The following DLG2 variants were observed in gnomAD, a reference collection of about 807,000 sequenced individuals.
The protein encoded by DLG2 is discs large MAGUK scaffold protein 2.
In DLG2, 45 loss-of-function variants were observed where a neutral mutation model predicts 132.5. The ratio of observed to expected loss-of-function variants is 0.34; its 90% CI spans 0.27 to 0.44. The LOEUF is 0.44. DLG2 is among the 20% of genes least tolerant of loss of function. The pLI, the probability that DLG2 is intolerant of heterozygous loss-of-function variation, is 1.00. For synonymous variants in DLG2, 424 were observed against 419.6 expected, an observed-to-expected ratio of 1.01 and a Z score of -0.13; for missense variants, 1,045 against 1,196.9, an observed-to-expected ratio of 0.87 and a Z score of 1.87.
intron 3 of DLG2, among the ~76,000 whole-genome samples, chr11:85,525,487 G>A (rs187960115): frequency 4.9e-4 from 75 of 152,182 alleles, no homozygotes; most frequent in Non-Finnish European, 7.4e-4. Flanking sequence ...AGGAATATAC[G>A]AAATACTTAT....
intron 5 of DLG2, among the ~76,000 whole-genome samples, chr11:85,148,552 T>A (rs759401223): frequency 6.6e-6 from 1 of 152,238 alleles, no homozygotes; most frequent in African/African-American, 2.4e-5. Flanking sequence ...AAATGTCGTA[T>A]TTTGGGAAGT....
intron 9 of DLG2, among the ~76,000 whole-genome samples, chr11:84,128,688 A>T (rs951544819): frequency 5.9e-5 from 9 of 152,082 alleles, no homozygotes; most frequent in South Asian, 4.1e-4. Context: ...TGGTATAAAA[A>T]GTTTTAGTCT....
chr11:83,805,312 C>A (rs1739402587), intron 17 of DLG2, among the ~76,000 whole-genome samples: 1 of 151,756 alleles, frequency 6.6e-6, no homozygotes, highest in Non-Finnish European at 1.5e-5. Flanking sequence ...TTTATTTATT[C>A]TAGAATTATT....
chr11:84,738,068 T>A (rs184369724), intron 6 of DLG2, among the ~76,000 whole-genome samples: 12 of 152,178 alleles, frequency 7.9e-5, no homozygotes, highest in African/African-American at 2.9e-4. Context: ...CAGCGTAAAC[T>A]GGGTTAGAAA....
At chr11:83,831,036 T>C (rs964842990) in intron 17 of DLG2, among the ~76,000 whole-genome samples, 2 of 152,224 alleles carry the variant, frequency 1.3e-5, no homozygotes, top group African/African-American at 4.8e-5. Context: ...CTTCTTAATG[T>C]ACCACCATAT....
chr11:85,609,353 C>A (rs1013117046), intron 2 of DLG2, among the ~76,000 whole-genome samples: 1 of 152,138 alleles, frequency 6.6e-6, no homozygotes, highest in Non-Finnish European at 1.5e-5. Context: ...TTAAACCAGG[C>A]AACCTCAGTG....
intron 4 of DLG2, among the ~76,000 whole-genome samples, chr11:85,199,507 T>C (rs955021926): frequency 6.6e-6 from 1 of 152,208 alleles, no homozygotes; most frequent in African/African-American, 2.4e-5. Context: ...GCACTTAAGG[T>C]CTATGCGTGT....
chr11:84,893,584 G>A (rs1046960571), intron 6 of DLG2, among the ~76,000 whole-genome samples: 3 of 152,136 alleles, frequency 2.0e-5, no homozygotes, highest in African/African-American at 4.8e-5. Context: ...ACTCAGTTGA[G>A]TCTCACTTTG....
At chr11:85,316,620 T>C (rs2080695061) in intron 3 of DLG2, among the ~76,000 whole-genome samples, 1 of 151,928 alleles carries the variant, frequency 6.6e-6, no homozygotes, top group African/African-American at 2.4e-5. Context: ...ATGCCTCTCA[T>C]GTACAAAAGC....
chr11:85,203,829 C>A (rs1481406567), intron 4 of DLG2, among the ~76,000 whole-genome samples: 2 of 151,972 alleles, frequency 1.3e-5, no homozygotes, highest in Non-Finnish European at 2.9e-5. Context: ...TTAAAAACAT[C>A]ATTTACCATA....
intron 15 of DLG2, among the ~76,000 whole-genome samples, chr11:83,903,338 A>G (rs1315795436): frequency 6.6e-6 from 1 of 152,116 alleles, no homozygotes; most frequent in Non-Finnish European, 1.5e-5. Context: ...AACCTATCAG[A>G]CCCATTTTAT....
At chr11:84,775,790 TACTATGCTTGCTCTTTGGGTA>T (rs1334824405) in intron 6 of DLG2, among the ~76,000 whole-genome samples, 1 of 152,150 alleles carries the variant, frequency 6.6e-6, no homozygotes, top group African/African-American at 2.4e-5. Flanking sequence ...AACTATTGGG[TACTATGCTTGCTCTTTGGGTA>T]ACATAATTAA....
chr11:83,506,351 C>T (rs1247686513), intron 21 of DLG2, among the ~76,000 whole-genome samples: 1 of 152,212 alleles, frequency 6.6e-6, no homozygotes, highest in Non-Finnish European at 1.5e-5. Context: ...GTTCCTTCCA[C>T]CATTATCTCA....
intron 7 of DLG2, among the ~76,000 whole-genome samples, chr11:84,410,111 ATT>A (rs879518121): frequency 7.9e-5 from 12 of 152,226 alleles, no homozygotes; most frequent in Non-Finnish European, 1.8e-4. Context: ...ATGGCTGAGC[ATT>A]CTCATATGTT....
chr11:85,272,604 G>C (rs960484513), intron 4 of DLG2, among the ~76,000 whole-genome samples: 5 of 152,090 alleles, frequency 3.3e-5, no homozygotes, highest in African/African-American at 9.7e-5. Context: ...CGAAATAAAA[G>C]AGGACACAAA....
At chr11:84,964,100 A>C (rs959415831) in intron 6 of DLG2, among the ~76,000 whole-genome samples, 1 of 152,146 alleles carries the variant, frequency 6.6e-6, no homozygotes, top group African/African-American at 2.4e-5. Context: ...AAAAACATTA[A>C]GGCAGCCTAA....
intron 7 of DLG2, among the ~76,000 whole-genome samples, chr11:84,389,459 T>C (rs1259021873): frequency 6.6e-6 from 1 of 152,136 alleles, no homozygotes; most frequent in Admixed American, 6.6e-5. Context: ...ATGGTATATA[T>C]TGTTTTGTAT....
At chr11:84,253,079 T>C (rs184920352) in intron 7 of DLG2, among the ~76,000 whole-genome samples, 2 of 152,316 alleles carry the variant, frequency 1.3e-5, no homozygotes, top group African/African-American at 4.8e-5. Flanking sequence ...ATGGATCAAC[T>C]AGTTAGTCAT....
intron 9 of DLG2, among the ~76,000 whole-genome samples, chr11:84,137,553 G>T (rs1341659317): frequency 6.6e-6 from 1 of 152,082 alleles, no homozygotes; most frequent in Non-Finnish European, 1.5e-5. Flanking sequence ...GCACCAATTT[G>T]TTCTCAAGGT....
Sources: gnomAD v4.1 joint callset for allele counts (sites outside exome capture counted in the v4.1 genomes callset) on GRCh38, gnomAD v4.1.1 for gene constraint, MANE v1.5 for transcripts, NCBI Gene and HGNC (gene_info 2026-07-23, HGNC 2026-07-21) for gene names.